ZNF799: variants seen among roughly 807,000 people sequenced by gnomAD.
ZNF799 encodes the protein zinc finger protein 799, also known as zinc finger protein 14.
Under a neutral mutation model 41.0 loss-of-function variants are expected in ZNF799, and 28 were observed. That is an observed-to-expected ratio of 0.68 (90% CI 0.51 to 0.94). The LOEUF (loss-of-function observed/expected upper bound fraction) is 0.94, where lower values mean the gene tolerates loss of function less well. Ranked by LOEUF, ZNF799 falls within the 40% of genes least tolerant of loss-of-function variation. The pLI is 0.00. For synonymous variants in ZNF799, 213 were observed against 252.9 expected (o/e 0.84, Z 1.50); for missense variants, 716 against 764.3 (o/e 0.94, Z 0.74).
the ZNF799 span, among the ~76,000 whole-genome samples, chr19:12,414,433 C>T: frequency 6.6e-6 from 1 of 152,178 alleles, no homozygotes; most frequent in African/African-American, 2.4e-5. Context: ...CAAGTCTGTG[C>T]TGGGAATCCC....
Position 12,391,045 on chromosome 19 carries a change from G to A in ZNF799, c.1353C>T (p.Cys451=), listed in dbSNP as rs1969804438. ...TTHTGEKPYK[C]KCGKAFIDFY... ...AATCAATAAAGGCTTTCCCACATTT[G>A]CATTTATAGGGTTTCTCTCCAGTAT... The change falls in exon 4 of 4, where the codon TGC becomes TGT. Residue 451 remains cysteine, a synonymous_variant. Transcript: ENST00000430385. The A allele has an allele frequency of 1.9e-6, 3 of 1,613,842 alleles. No homozygotes were observed. Among genetic ancestry groups the A allele is most frequent in the Non-Finnish European group, 2.5e-6 (3 of 1,179,964 alleles).
At chr19:12,403,657 A>G (rs1336474031), upstream of ZNF799, among the ~76,000 whole-genome samples, 1 of 151,858 alleles carries the variant, frequency 6.6e-6, no homozygotes, top group Non-Finnish European at 1.5e-5. Context: ...GGTTCAAGCA[A>G]TTCTCCTGCC....
chr19:12,394,403 T>C lies in ZNF799; in HGVS notation c.4-980A>G, dbSNP rs1474110022. On this transcript the variant is annotated intron_variant, in intron 1 of 3. Coordinates refer to ENST00000430385, the MANE Select transcript of ZNF799 (RefSeq NM_001080821.3). ...CTGTTATGAATAACAAGAAACAGGC[T>C]AAGACAGCTACAAAGAAACACTCTG... 5.2e-5 allele frequency: 9 copies of C among 173,290 alleles called. No homozygotes were observed. In the Admixed American group the frequency reaches 5.9e-4, roughly 11 times the overall value. 10.7% of individuals were successfully genotyped at this position (173,290 alleles called of 1,614,324 possible). A position where few individuals can be genotyped will look rare whatever the true frequency, so the allele number is the denominator to read the frequency against.
chr19:12,408,940 C>T, the ZNF799 span, among the ~76,000 whole-genome samples: 24 of 151,952 alleles, frequency 1.6e-4, no homozygotes, highest in African/African-American at 5.8e-4. Context: ...GAGGCTGAGG[C>T]AGGAGAATCA....
Position 12,401,150 on chromosome 19 carries a change from C to A in ZNF799, c.-80G>T. The stretch of plus-strand genomic sequence containing the variant: ...GGTTCCCGCGGGACACAGGCTGCCA[C>A]GGAACTTCCAGGTCGTCTCTTAGCT... On this transcript the variant is annotated 5_prime_UTR_variant, in exon 1 of 4. Coordinates refer to ENST00000430385, the MANE Select transcript of ZNF799 (RefSeq NM_001080821.3). The A allele has an allele frequency of 6.2e-7, 1 of 1,610,566 alleles. No individual in the cohort carries two copies. Among genetic ancestry groups the A allele is most frequent in the East Asian group, 2.2e-5 (1 of 44,862 alleles).
the ZNF799 span, among the ~76,000 whole-genome samples, chr19:12,410,274 T>TAC: frequency 1.7e-5 from 1 of 59,656 alleles, no homozygotes; most frequent in Non-Finnish European, 2.9e-5. Flanking sequence ...TATATATATA[T>TAC]ATATATATAT....
Position 12,401,136 on chromosome 19 carries a change from G to A in ZNF799, c.-66C>T, listed in dbSNP as rs116791809. 4.3e-3 allele frequency: 6,889 copies of A among 1,612,130 alleles called. 257 individuals are homozygous for A. In the African/African-American group the frequency reaches 0.082, roughly 19 times the overall value. On this transcript the variant is annotated 5_prime_UTR_variant, in exon 1 of 4. Transcript: ENST00000430385. ...CCGCTGCCAATGCGGGTTCCCGCGGGACACAGGCTGCCACGGAACTTCCAG... is the reference window on the plus strand; with the variant it reads ...CCGCTGCCAATGCGGGTTCCCGCGGAACACAGGCTGCCACGGAACTTCCAG...
the ZNF799 span, among the ~76,000 whole-genome samples, chr19:12,414,484 G>C: frequency 1.3e-5 from 2 of 152,194 alleles, no homozygotes; most frequent in African/African-American, 4.8e-5. Flanking sequence ...CCTCAGAGCA[G>C]GAGGGGAGCC....
At chr19:12,410,160 AACAAAT>A in the ZNF799 span, among the ~76,000 whole-genome samples, 21 of 140,582 alleles carry the variant, frequency 1.5e-4, 1 homozygote, top group South Asian at 4.5e-3. Flanking sequence ...AAAACAAACA[AACAAAT>A]ATATATATAT....
chr19:12,390,624 C>G lies in ZNF799; in HGVS notation c.1774G>C (p.Glu592Gln). The G allele has an allele frequency of 6.2e-7, 1 of 1,613,684 alleles. No individual in the cohort carries two copies. The highest frequency in any genetic ancestry group is 1.7e-5 in the Admixed American group (1 of 59,984). The change falls in exon 4 of 4, where the codon GAA becomes CAA. Residue 592 changes from glutamate (E) to glutamine (Q), a missense_variant. Glu to Gln is a conservative substitution (Grantham distance 29). Coordinates refer to ENST00000430385, the MANE Select transcript of ZNF799 (RefSeq NM_001080821.3). ...HTGENPYECK[E>Q]CGKAFASLSS... ...AGAGAAGCAAATGCTTTCCCACATT[C>G]CTTACATTCATACGGGTTCTCTCCA...
At chr19:12,394,503 T>C (rs764428230) in intron 1 of ZNF799, 6 of 869,582 alleles carry the variant, frequency 6.9e-6, no homozygotes, top group Non-Finnish European at 6.9e-6. Context: ...TTGGGGGATT[T>C]AGCCCATCCT....
At chr19:12,414,566 G>A in the ZNF799 span, among the ~76,000 whole-genome samples, 5 of 152,146 alleles carry the variant, frequency 3.3e-5, no homozygotes, top group Non-Finnish European at 5.9e-5. Flanking sequence ...TTTCAGATGG[G>A]GCTGCTGGCG....
upstream of ZNF799, among the ~76,000 whole-genome samples, chr19:12,404,726 A>G (rs1278189417): frequency 6.6e-6 from 1 of 152,226 alleles, no homozygotes; most frequent in East Asian, 1.9e-4. Context: ...TATATCATCT[A>G]CAATAACTCA....
chr19:12,408,049 G>A, the ZNF799 span, among the ~76,000 whole-genome samples: 1 of 152,016 alleles, frequency 6.6e-6, no homozygotes, highest in African/African-American at 2.4e-5. Flanking sequence ...ACAGCTACTC[G>A]GGAGGCTGAG....
intron 1 of ZNF799, 70 bp downstream of exon 1, chr19:12,400,998 G>A (rs1336645124): frequency 3.1e-6 from 5 of 1,613,194 alleles, no homozygotes; most frequent in African/African-American, 2.7e-5. Flanking sequence ...CCCGGGTCCA[G>A]CCACAGCCGA....
chr19:12,411,779 A>G, the ZNF799 span, among the ~76,000 whole-genome samples: 1 of 151,746 alleles, frequency 6.6e-6, no homozygotes, highest in Non-Finnish European at 1.5e-5. Context: ...CACCCCGCTA[A>G]TTTTTGTATT....
chr19:12,395,028 T>C (rs948650491), intron 1 of ZNF799: 1 of 232,336 alleles, frequency 4.3e-6, no homozygotes. Context: ...GTTCCCGGTA[T>C]AGAACCCTGG....
chr19:12,394,497 G>C, intron 1 of ZNF799: 1 of 829,666 alleles, frequency 1.2e-6, no homozygotes, highest in Non-Finnish European at 1.5e-6. Context: ...TGTTATTTGG[G>C]GGATTTAGCC....
At chr19:12,409,528 A>G in the ZNF799 span, among the ~76,000 whole-genome samples, 1 of 152,258 alleles carries the variant, frequency 6.6e-6, no homozygotes, top group Admixed American at 6.5e-5. Flanking sequence ...TGAACTCAAC[A>G]GCATCATTAA....
Sources: gnomAD v4.1 joint callset for allele counts (sites outside exome capture counted in the v4.1 genomes callset) on GRCh38, gnomAD v4.1.1 for gene constraint, MANE v1.5 for transcripts, NCBI Gene and HGNC (gene_info 2026-07-23, HGNC 2026-07-21) for gene names.